The following RPL7L1 variants were observed in gnomAD, a reference collection of about 807,000 sequenced individuals.
The protein encoded by RPL7L1 is ribosomal protein L7 like 1, also known as ribosomal protein uL30-like.
A neutral mutation model predicts 30.3 loss-of-function variants in RPL7L1; 20 were observed. That is an observed-to-expected ratio of 0.66 (90% CI 0.46 to 0.96). The LOEUF is 0.96. RPL7L1 is among the 40% of genes least tolerant of loss of function. The pLI is 0.00. For synonymous variants in RPL7L1, 107 were observed against 110.1 expected, an observed-to-expected ratio of 0.97 and a Z score of 0.18; for missense variants, 271 against 314.9, an observed-to-expected ratio of 0.86 and a Z score of 1.05.
chr6:42,885,095 C>T (rs144829774), intron 4 of RPL7L1, among the ~76,000 whole-genome samples: 3,444 of 152,138 alleles, frequency 0.023, 45 homozygotes, highest in Non-Finnish European at 0.027. Context: ...TTTGGGAGGC[C>T]GAGGCGGGTG....
At position 42,889,900 on chromosome 6, in the gene RPL7L1, A is replaced by T. The variant is rs371868838; in HGVS notation, c.*3436A>T. ...AAGATGTTACAAAAATTGCGCACTT[A>T]TATGTATGTACCATGACATAACTAA... On this transcript the variant is annotated 3_prime_UTR_variant, in exon 6 of 6. Coordinates refer to ENST00000493763, the MANE Select transcript of RPL7L1 (RefSeq NM_001366481.3). 6.6e-6 allele frequency: 1 copy of T among 152,286 alleles called. No homozygotes were observed. Among genetic ancestry groups the T allele is most frequent in the Non-Finnish European group, 1.5e-5 (1 of 68,060 alleles). 9.4% of individuals were successfully genotyped at this position (152,286 alleles called of 1,614,324 possible). A position where few individuals can be genotyped will look rare whatever the true frequency, so the allele number is the denominator to read the frequency against.
chr6:42,879,650 G>A lies in RPL7L1; in HGVS notation c.-261G>A. 2.5e-6 allele frequency: 1 copy of A among 393,824 alleles called. No homozygotes were observed. Among genetic ancestry groups the A allele is most frequent in the Non-Finnish European group, 4.8e-6 (1 of 206,876 alleles). 24.4% of individuals were successfully genotyped at this position (393,824 alleles called of 1,614,324 possible). On this transcript the variant is annotated 5_prime_UTR_variant, in exon 1 of 6. Transcript: ENST00000493763. Reference sequence around the variant, plus strand: ...AGCGGACGCCATAGGTGCATTGTGGGAAGCACTTTGCTGTCCACAGCCAGG... The same window carrying A: ...AGCGGACGCCATAGGTGCATTGTGGAAAGCACTTTGCTGTCCACAGCCAGG...
chr6:42,884,803 A>G (rs999901063), intron 4 of RPL7L1, 53 bp downstream of exon 4: 1 of 1,559,206 alleles, frequency 6.4e-7, no homozygotes, highest in Non-Finnish European at 8.8e-7. Flanking sequence ...TGAGTGTGTC[A>G]GGGTGCACCG....
At position 42,887,776 on chromosome 6, in the gene RPL7L1, T is replaced by C. The variant is rs1372006917; in HGVS notation, c.*1312T>C. ...GTTGGTAAATGAGTCACTCTAGCAT[T>C]TGTAGAAGGCTCCCTGAGACTCCTG... is the stretch of plus-strand genomic sequence containing the variant. On this transcript the variant is annotated 3_prime_UTR_variant, in exon 6 of 6. Coordinates refer to ENST00000493763, the MANE Select transcript of RPL7L1 (RefSeq NM_001366481.3). 3.3e-5 allele frequency: 5 copies of C among 150,682 alleles called. No individual in the cohort carries two copies. The highest frequency in any genetic ancestry group is 2.7e-4 in the Admixed American group (4 of 15,056). 9.3% of individuals were successfully genotyped at this position (150,682 alleles called of 1,614,324 possible). A position where few individuals can be genotyped will look rare whatever the true frequency, so the allele number is the denominator to read the frequency against.
chr6:42,886,163 C>G (rs746957885), intron 5 of RPL7L1, 80 bp downstream of exon 5: 2 of 1,407,636 alleles, frequency 1.4e-6, no homozygotes, highest in Non-Finnish European at 2.0e-6. Context: ...AGGTTGTATT[C>G]TTCTTGGGGC....
chr6:42,886,551 A>G lies in RPL7L1; in HGVS notation c.*87A>G, dbSNP rs1581660750. ...CACTTTACAAGTTCTTTTTGCATTT[A>G]CTAGTATTTAAGAGTAACCTTGAGA... On this transcript the variant is annotated 3_prime_UTR_variant, in exon 6 of 6. Transcript: ENST00000493763. 1 of 716,604 alleles carries G rather than the reference A, an allele frequency of 1.4e-6. No homozygotes were observed. The highest frequency in any genetic ancestry group is 1.8e-5 in the African/African-American group (1 of 56,996). The allele number at this position is 716,604 out of a possible 1,614,324, so 44.4% of individuals were successfully genotyped here.
chr6:42,881,370 C>T (rs1272195116), intron 2 of RPL7L1: 1 of 153,588 alleles, frequency 6.5e-6, no homozygotes, highest in Non-Finnish European at 1.5e-5. Flanking sequence ...GAGGCCGAGG[C>T]AGGAGAATGG....
rs961970740 is a variant in RPL7L1 at position 42,889,826 on chromosome 6, TAAAA to T, written c.*3365_*3368del. On this transcript the variant is annotated 3_prime_UTR_variant, in exon 6 of 6. Transcript: ENST00000493763. ...GACTAAGTTGACGAAAAATAAATTT[TAAAA>T]AACCTAATAAAACAAGTTTGTAATT... The T allele has an allele frequency of 1.3e-5, 2 of 152,214 alleles. No individual in the cohort carries two copies. Among genetic ancestry groups the T allele is most frequent in the Non-Finnish European group, 1.5e-5 (1 of 68,036 alleles). The allele number at this position is 152,214 out of a possible 1,614,324, so 9.4% of individuals were successfully genotyped here.
Position 42,879,872 on chromosome 6 carries a change from C to T in RPL7L1, c.-39C>T, listed in dbSNP as rs942601370. Reference sequence around the variant, plus strand: ...ACAGACGTCTCTATGGTCAAGTAAACAGAGCGTGTGCTGTCTTCCCCATGT... The same window carrying T: ...ACAGACGTCTCTATGGTCAAGTAAATAGAGCGTGTGCTGTCTTCCCCATGT... On this transcript the variant is annotated 5_prime_UTR_variant, in exon 1 of 6. Coordinates refer to ENST00000493763, the MANE Select transcript of RPL7L1 (RefSeq NM_001366481.3). 1 of 1,610,210 alleles carries T rather than the reference C, an allele frequency of 6.2e-7. No individual in the cohort carries two copies. The highest frequency in any genetic ancestry group is 1.3e-5 in the African/African-American group (1 of 74,962).
chr6:42,883,735 AG>A, intron 3 of RPL7L1, 121 bp downstream of exon 3: 1 of 722,882 alleles, frequency 1.4e-6, no homozygotes, highest in Non-Finnish European at 2.2e-6. Context: ...CTAGGATGTC[AG>A]GGTTGAGCAC....
At chr6:42,880,002 G>A in intron 1 of RPL7L1, 51 bp downstream of exon 1, 5 of 1,571,548 alleles carry the variant, frequency 3.2e-6, no homozygotes, top group Non-Finnish European at 4.4e-6. Flanking sequence ...AGTATCCGGT[G>A]CCATCCACGG....
chr6:42,880,524 T>G, intron 1 of RPL7L1: 1 of 234,012 alleles, frequency 4.3e-6, no homozygotes. Flanking sequence ...GTTGTTGTTT[T>G]TGTTTTGAGA....
At chr6:42,885,906 C>A in intron 4 of RPL7L1, 68 bp from the exon 5 acceptor site, 1 of 855,138 alleles carries the variant, frequency 1.2e-6, no homozygotes, top group Non-Finnish European at 2.0e-6. Flanking sequence ...AACCTCTCAG[C>A]CAGGCTGCAG....
chr6:42,883,319 A>T (rs1766146636), intron 2 of RPL7L1, 132 bp from the exon 3 acceptor site: 1 of 640,744 alleles, frequency 1.6e-6, no homozygotes, highest in Admixed American at 3.2e-5. Context: ...ATGAAAATAG[A>T]GAATGTTGCT....
chr6:42,885,889 C>A, intron 4 of RPL7L1, 85 bp from the exon 5 acceptor site: 6 of 738,442 alleles, frequency 8.1e-6, no homozygotes, highest in African/African-American at 1.9e-5. Flanking sequence ...TGTGGGAGAA[C>A]CTCTCCAACC....
At position 42,886,306 on chromosome 6, in the gene RPL7L1, C is replaced by T. The variant is rs192054853; in HGVS notation, c.610C>T (p.Pro204Ser). The change falls in exon 6 of 6, where the codon CCA becomes TCA. Residue 204 changes from proline to serine, a missense_variant. Pro to Ser is a moderately conservative substitution (Grantham distance 74). Transcript: ENST00000493763. ...LEDLIHEIAF[P>S]GKHFQEISWF... ...AGACCTCATTCATGAAATTGCCTTCCCAGGGAAGCATTTCCAGGAGATCTC... is the reference window on the plus strand; with the variant it reads ...AGACCTCATTCATGAAATTGCCTTCTCAGGGAAGCATTTCCAGGAGATCTC... The T allele has an allele frequency of 5.6e-5, 91 of 1,611,176 alleles. No homozygotes were observed. In the East Asian group the frequency reaches 8.0e-4, roughly 14 times the overall value.
At position 42,888,829 on chromosome 6, in the gene RPL7L1, C is replaced by G. The variant is rs1475915704; in HGVS notation, c.*2365C>G. 1 of 152,212 alleles carries G rather than the reference C, an allele frequency of 6.6e-6. No individual in the cohort carries two copies. Among genetic ancestry groups the G allele is most frequent in the Non-Finnish European group, 1.5e-5 (1 of 68,056 alleles). 9.4% of individuals were successfully genotyped at this position (152,212 alleles called of 1,614,324 possible). On this transcript the variant is annotated 3_prime_UTR_variant, in exon 6 of 6. Transcript: ENST00000493763. ...ATATTCTAGTCTTCAGAAGCATTGCCTTTTGTCCTACTGGTAGTGACATAG... is the reference window on the plus strand; with the variant it reads ...ATATTCTAGTCTTCAGAAGCATTGCGTTTTGTCCTACTGGTAGTGACATAG...
Position 42,886,994 on chromosome 6 carries a change from G to GAAA in RPL7L1, c.*545_*547dup, listed in dbSNP as rs59680080. On this transcript the variant is annotated 3_prime_UTR_variant, in exon 6 of 6. Transcript: ENST00000493763. The stretch of plus-strand genomic sequence containing the variant: ...GGCGACAGAGCGAGACTCCATCTCG[G>GAAA]AAAAAAAAAAAAAAAAACTATTGCT... 0.029 allele frequency: 3,391 copies of GAAA among 115,602 alleles called. 72 individuals are homozygous for GAAA. Among genetic ancestry groups the GAAA allele is most frequent in the African/African-American group, 0.033 (880 of 26,582 alleles). 7.2% of individuals were successfully genotyped at this position (115,602 alleles called of 1,614,324 possible).
At chr6:42,882,225 A>G (rs1166011163) in intron 2 of RPL7L1, 4 of 151,694 alleles carry the variant, frequency 2.6e-5, no homozygotes, top group Admixed American at 1.3e-4. Context: ...TACAGTGTAC[A>G]TAATGTATTT....
Sources: allele counts gnomAD v4.1 joint callset (sites outside exome capture counted in the v4.1 genomes callset), GRCh38; gene constraint gnomAD v4.1.1; transcripts MANE v1.5; gene names NCBI Gene and HGNC (gene_info 2026-07-23, HGNC 2026-07-21).